Variants in SLC12A6 observed in about 807,000 individuals in gnomAD.
SLC12A6 encodes the protein solute carrier family 12 member 6.
SLC12A6 carries 66 observed loss-of-function variants against 135.3 expected under a neutral mutation model. That is an observed-to-expected ratio of 0.49 (90% confidence interval 0.40 to 0.60). The LOEUF is 0.60. SLC12A6 is among the 20% of genes least tolerant of loss of function. The pLI, the probability that SLC12A6 is intolerant of heterozygous loss-of-function variation, is 0.00. For missense variants in SLC12A6, 1,058 were observed against 1,452.3 expected, an observed-to-expected ratio of 0.73 and a Z score of 4.41; for synonymous variants, 513 against 508.8, an observed-to-expected ratio of 1.01 and a Z score of -0.11.
intron 2 of SLC12A6, chr15:34,318,607 A>G (rs774065892): frequency 1.2e-6 from 2 of 1,613,854 alleles, no homozygotes; most frequent in Non-Finnish European, 1.7e-6. Context: ...CTGCTAAACT[A>G]GGCTCTTGAG....
intron 2 of SLC12A6, among the ~76,000 whole-genome samples, chr15:34,289,539 G>A (rs1261443645): frequency 6.6e-6 from 1 of 152,314 alleles, no homozygotes; most frequent in South Asian, 2.1e-4. Flanking sequence ...AATTGGAATA[G>A]TTTCAGAAGG....
At chr15:34,297,920 G>C (rs960272881) in intron 2 of SLC12A6, among the ~76,000 whole-genome samples, 1 of 151,846 alleles carries the variant, frequency 6.6e-6, no homozygotes. Context: ...AGATATATTA[G>C]AGACAGGCAG....
intron 2 of SLC12A6, among the ~76,000 whole-genome samples, chr15:34,276,538 A>T (rs1367406971): frequency 5.3e-5 from 8 of 152,222 alleles, no homozygotes; most frequent in Non-Finnish European, 7.3e-5. Flanking sequence ...ACTAAGCTCC[A>T]CTTTCCTCAA....
chr15:34,268,891 C>G (rs1233159073), intron 3 of SLC12A6, among the ~76,000 whole-genome samples: 2 of 150,046 alleles, frequency 1.3e-5, no homozygotes, highest in African/African-American at 4.9e-5. Flanking sequence ...GAGTCTTGCT[C>G]TGTTGCCCAG....
chr15:34,275,477 G>C (rs1375351270), intron 2 of SLC12A6, 88 bp from the exon 3 acceptor site: 1 of 751,830 alleles, frequency 1.3e-6, no homozygotes, highest in African/African-American at 1.8e-5. Context: ...AGTCAACCAA[G>C]GAAATAAGCA....
intron 2 of SLC12A6, among the ~76,000 whole-genome samples, chr15:34,283,340 T>C (rs946304188): frequency 3.3e-5 from 5 of 150,420 alleles, no homozygotes; most frequent in African/African-American, 1.0e-4. Context: ...CGAAACTCTG[T>C]CTCGAAAAAA....
chr15:34,285,833 A>C (rs1895034573), intron 2 of SLC12A6, among the ~76,000 whole-genome samples: 1 of 152,050 alleles, frequency 6.6e-6, no homozygotes, highest in African/African-American at 2.4e-5. Context: ...AGTCATACAA[A>C]GGCAAATACC....
chr15:34,236,877 C>A, intron 22 of SLC12A6, 62 bp from the exon 23 acceptor site: 2 of 928,096 alleles, frequency 2.2e-6, no homozygotes, highest in South Asian at 1.3e-5. Flanking sequence ...ATGAACCATA[C>A]ATTTTTATTT....
At chr15:34,284,094 T>C (rs1198686623) in intron 2 of SLC12A6, among the ~76,000 whole-genome samples, 1 of 151,754 alleles carries the variant, frequency 6.6e-6, no homozygotes, top group African/African-American at 2.4e-5. Flanking sequence ...GAATGGATTG[T>C]AGGGGAGACC....
chr15:34,305,502 G>A (rs777135182), intron 2 of SLC12A6, among the ~76,000 whole-genome samples: 3 of 147,784 alleles, frequency 2.0e-5, no homozygotes, highest in South Asian at 2.1e-4. Context: ...ATTATGTTTC[G>A]GGCGCCTACT....
intron 2 of SLC12A6, among the ~76,000 whole-genome samples, chr15:34,313,462 T>C (rs1467050449): frequency 6.6e-6 from 1 of 152,160 alleles, no homozygotes; most frequent in Admixed American, 6.5e-5. Context: ...AAATAAAAGT[T>C]TGAAGCTAAC....
intron 21 of SLC12A6, among the ~76,000 whole-genome samples, chr15:34,237,831 G>T (rs1245088057): frequency 6.6e-6 from 1 of 152,170 alleles, no homozygotes; most frequent in Non-Finnish European, 1.5e-5. Flanking sequence ...TTCAGACAGT[G>T]TATCAATGAC....
chr15:34,296,154 T>C (rs1414041471), intron 2 of SLC12A6, among the ~76,000 whole-genome samples: 1 of 152,236 alleles, frequency 6.6e-6, no homozygotes, highest in Admixed American at 6.5e-5. Context: ...GTTTTAAACA[T>C]GCCTAAAGCT....
chr15:34,327,530 C>A (rs866439310), intron 2 of SLC12A6, among the ~76,000 whole-genome samples: 1 of 151,988 alleles, frequency 6.6e-6, no homozygotes, highest in African/African-American at 2.4e-5. Flanking sequence ...TGGTGGCATG[C>A]GCCTGTAATC....
At chr15:34,255,236 T>A (rs763603558) in intron 8 of SLC12A6, 26 bp downstream of exon 8, 1 of 1,529,002 alleles carries the variant, frequency 6.5e-7, no homozygotes, top group Admixed American at 1.7e-5. Flanking sequence ...TTCTATATTA[T>A]AGACCACAAT....
chr15:34,235,431 A>ATTTTTTTTTT (rs371322623), intron 24 of SLC12A6, 117 bp from the exon 25 acceptor site: 7,520 of 499,758 alleles, frequency 0.015, 149 homozygotes, highest in Non-Finnish European at 0.018. Context: ...TGATAAAATG[A>ATTTTTTTTTT]TTTTTTTTTT....
At chr15:34,306,092 A>G (rs1896596505) in intron 2 of SLC12A6, among the ~76,000 whole-genome samples, 1 of 152,116 alleles carries the variant, frequency 6.6e-6, no homozygotes, top group Middle Eastern at 3.2e-3. Context: ...CTAACTCAAT[A>G]TATTGTTTAT....
At chr15:34,236,556 C>A (rs1891280740) in intron 23 of SLC12A6, 152 bp downstream of exon 23, 1 of 668,808 alleles carries the variant, frequency 1.5e-6, no homozygotes, top group Admixed American at 2.1e-5. Flanking sequence ...CTTGGCCAGG[C>A]TGGTCTTGAA....
chr15:34,304,954 T>A (rs939578417), intron 2 of SLC12A6, among the ~76,000 whole-genome samples: 1 of 152,212 alleles, frequency 6.6e-6, no homozygotes, highest in African/African-American at 2.4e-5. Context: ...AAGTGGGTAT[T>A]ATATCCTTGA....
Sources: allele counts gnomAD v4.1 joint callset (sites outside exome capture counted in the v4.1 genomes callset), GRCh38; gene constraint gnomAD v4.1.1; transcripts MANE v1.5; gene names NCBI Gene and HGNC (gene_info 2026-07-23, HGNC 2026-07-21).